The following PTPRN2 variants were observed in gnomAD, a reference collection of about 807,000 sequenced individuals.
The protein encoded by PTPRN2 is protein tyrosine phosphatase receptor type N2, also known as receptor-type tyrosine-protein phosphatase N2.
A neutral mutation model predicts 118.8 loss-of-function variants in PTPRN2; 74 were observed. That is an observed-to-expected ratio of 0.62 (90% confidence interval 0.52 to 0.76). The LOEUF is 0.76. Among genes scored for constraint, PTPRN2 ranks in the 30% least tolerant of loss-of-function variants. The pLI, the probability that PTPRN2 is intolerant of heterozygous loss-of-function variation, is 0.00. For missense variants in PTPRN2, 1,481 were observed against 1,394.4 expected, an observed-to-expected ratio of 1.06 and a Z score of -0.99; for synonymous variants, 641 against 608.0, an observed-to-expected ratio of 1.05 and a Z score of -0.80.
At chr7:157,921,150 G>A (rs557435894) in intron 11 of PTPRN2, among the ~76,000 whole-genome samples, 15 of 152,274 alleles carry the variant, frequency 9.9e-5, no homozygotes, top group South Asian at 2.1e-4. Context: ...GGGCTAAAAC[G>A]GAATGAGCCG....
chr7:158,137,913 G>A (rs1818982612), intron 7 of PTPRN2, among the ~76,000 whole-genome samples: 1 of 152,080 alleles, frequency 6.6e-6, no homozygotes, highest in Non-Finnish European at 1.5e-5. Flanking sequence ...AGCCTCAGAG[G>A]ACCAATGCAC....
At chr7:157,594,850 G>A (rs1241479079) in intron 17 of PTPRN2, among the ~76,000 whole-genome samples, 1 of 152,210 alleles carries the variant, frequency 6.6e-6, no homozygotes, top group Non-Finnish European at 1.5e-5. Flanking sequence ...TGCCCTACAG[G>A]ACTCCAGGAG....
Position 158,080,847 on chromosome 7 carries a change from T to C in PTPRN2, c.1723+451A>G, listed in dbSNP as rs542318211. 2.3e-4 allele frequency among the ~76,000 whole-genome samples: 35 copies of C among 152,320 alleles called. 1 individual carries two copies. In the South Asian group the frequency reaches 7.0e-3, roughly 31 times the overall value. ...CCTCCCAGATACTTTGTGGTGTCTC[T>C]GCCCACCGCAGTCGGGAGCAGGGCC... On this transcript the variant is annotated intron_variant, in intron 11 of 22. Coordinates refer to ENST00000389418, the MANE Select transcript of PTPRN2 (RefSeq NM_002847.5).
chr7:158,521,559 TCCAGGTA>T (rs1824010621), intron 1 of PTPRN2, among the ~76,000 whole-genome samples: 1 of 149,966 alleles, frequency 6.7e-6, no homozygotes, highest in Non-Finnish European at 1.5e-5. Context: ...TGGTGGACTG[TCCAGGTA>T]CTGGCTCAGG....
At chr7:158,452,664 G>A (rs1229801275) in intron 2 of PTPRN2, among the ~76,000 whole-genome samples, 1 of 152,230 alleles carries the variant, frequency 6.6e-6, no homozygotes, top group Non-Finnish European at 1.5e-5. Context: ...CGATAAGACA[G>A]GTGGAGTGAG....
intron 12 of PTPRN2, among the ~76,000 whole-genome samples, chr7:157,795,325 C>CA (rs1804804038): frequency 6.6e-6 from 1 of 152,178 alleles, no homozygotes; most frequent in Non-Finnish European, 1.5e-5. Context: ...ACCTGGGAGG[C>CA]CCCCAGGAGC....
At chr7:158,062,889 C>T (rs991173244) in intron 11 of PTPRN2, among the ~76,000 whole-genome samples, 7 of 152,218 alleles carry the variant, frequency 4.6e-5, no homozygotes, top group South Asian at 4.1e-4. Context: ...TGAGCCTCCC[C>T]GACAAGCGCC....
intron 2 of PTPRN2, among the ~76,000 whole-genome samples, chr7:158,360,294 T>A (rs62494361): frequency 5.4e-4 from 1 of 1,868 alleles, no homozygotes; most frequent in Admixed American, 5.2e-3. Flanking sequence ...ACATCCACCC[T>A]CACCCAGGAT....
chr7:158,480,470 CT>C (rs1312381151), intron 2 of PTPRN2, among the ~76,000 whole-genome samples: 1 of 152,176 alleles, frequency 6.6e-6, no homozygotes, highest in Non-Finnish European at 1.5e-5. Context: ...ATTAGCAACC[CT>C]ACAGTGGCCT....
chr7:157,658,952 C>A (rs1795741747), intron 13 of PTPRN2, among the ~76,000 whole-genome samples: 2 of 152,094 alleles, frequency 1.3e-5, no homozygotes, highest in South Asian at 4.1e-4. Context: ...CTTGCACTCC[C>A]CAAGGCAATC....
At chr7:158,527,827 C>T (rs1354264655) in intron 1 of PTPRN2, among the ~76,000 whole-genome samples, 2 of 152,228 alleles carry the variant, frequency 1.3e-5, no homozygotes, top group Non-Finnish European at 2.9e-5. Context: ...GGTCTTCCTG[C>T]CCCGTATCCC....
chr7:157,737,648 T>C (rs1317937611), intron 12 of PTPRN2, among the ~76,000 whole-genome samples: 1 of 152,196 alleles, frequency 6.6e-6, no homozygotes, highest in Non-Finnish European at 1.5e-5. Flanking sequence ...AGTGTTCCCC[T>C]ACAGGGAGGG....
chr7:158,260,024 CATGT>C (rs1586017094), intron 3 of PTPRN2, among the ~76,000 whole-genome samples: 1 of 149,690 alleles, frequency 6.7e-6, no homozygotes, highest in South Asian at 2.1e-4. Context: ...CCCTGGTGTA[CATGT>C]ATGTGCGTTT....
intron 1 of PTPRN2, among the ~76,000 whole-genome samples, chr7:158,530,543 G>A (rs896782561): frequency 2.0e-5 from 3 of 149,616 alleles, no homozygotes; most frequent in Non-Finnish European, 4.5e-5. Context: ...AGAGCAAGGC[G>A]GGGGGGGTTC....
At chr7:158,268,408 G>A (rs879242106) in intron 3 of PTPRN2, among the ~76,000 whole-genome samples, 10 of 147,968 alleles carry the variant, frequency 6.8e-5, no homozygotes, top group Admixed American at 2.7e-4. Context: ...CACACAGGGC[G>A]AGTGTGTAAT....
chr7:157,983,249 C>T (rs952999301), intron 11 of PTPRN2, among the ~76,000 whole-genome samples: 571 of 13,766 alleles, frequency 0.041, no homozygotes, highest in Non-Finnish European at 0.057. Flanking sequence ...AGGGTCCCCC[C>T]CAAACCCCGA....
In PTPRN2 at chr7:157,861,396, C is replaced by T. The variant is rs1810230190; in HGVS notation, c.1788+37277G>A. ...CTGCGCTCCCTGCGGTGGGCAGTGG[C>T]TTCTGTGTTTTGCCGTCGAGGTGCA... On this transcript the variant is annotated intron_variant, in intron 12 of 22. Coordinates refer to ENST00000389418, the MANE Select transcript of PTPRN2 (RefSeq NM_002847.5). This position sits in a 1 kb window ranked among gnomAD's most constrained non-coding sequence, Gnocchi z 5.8. Among the ~76,000 whole-genome samples the T allele has an allele frequency of 6.6e-6, 1 of 152,248 alleles. No homozygotes were observed. Among genetic ancestry groups the T allele is most frequent in the Non-Finnish European group, 1.5e-5 (1 of 68,042 alleles).
intron 12 of PTPRN2, among the ~76,000 whole-genome samples, chr7:157,879,574 C>A (rs527954520): frequency 6.6e-6 from 1 of 152,194 alleles, no homozygotes; most frequent in Admixed American, 6.5e-5. Flanking sequence ...GGGAGTTAAC[C>A]GGCATGAAAT....
chr7:158,056,813 C>T (rs1809828186), intron 11 of PTPRN2, among the ~76,000 whole-genome samples: 1 of 152,214 alleles, frequency 6.6e-6, no homozygotes. Context: ...CTTACAGAAG[C>T]TGCACATTAA....
Sources: gnomAD v4.1 joint callset for allele counts (sites outside exome capture counted in the v4.1 genomes callset) on GRCh38, gnomAD v4.1.1 for gene constraint, Gnocchi (gnomAD v3.1) non-coding constraint, MANE v1.5 for transcripts, NCBI Gene and HGNC (gene_info 2026-07-23, HGNC 2026-07-21) for gene names.